Variants in KLHL3 observed in about 807,000 individuals in gnomAD.
The protein encoded by KLHL3 is kelch like family member 3, also known as kelch-like protein 3.
A neutral mutation model predicts 70.5 loss-of-function variants in KLHL3; 19 were observed. That is an observed-to-expected ratio of 0.27 (90% CI 0.19 to 0.40). KLHL3 has a LOEUF of 0.40. Among genes scored for constraint, KLHL3 ranks in the 10% least tolerant of loss-of-function variants. The pLI is 1.00. For synonymous variants in KLHL3, 258 were observed against 290.3 expected, an observed-to-expected ratio of 0.89 and a Z score of 1.13; for missense variants, 512 against 771.1, an observed-to-expected ratio of 0.66 and a Z score of 3.98.
In KLHL3 at chr5:137,735,771, T is replaced by G. The variant is rs558628055; in HGVS notation, c.-125A>C. 3 of 1,328,112 alleles carry G rather than the reference T, an allele frequency of 2.3e-6. No homozygotes were observed. The highest frequency in any genetic ancestry group is 1.7e-5 in the Admixed American group (1 of 59,518). 82.3% of individuals were successfully genotyped at this position (1,328,112 alleles called of 1,614,324 possible). On this transcript the variant is annotated 5_prime_UTR_variant, in exon 1 of 15. Coordinates refer to ENST00000309755, the MANE Select transcript of KLHL3 (RefSeq NM_017415.3). Reference sequence around the variant, plus strand: ...ATCAGCAACAGTGATTCAGCATGGCTGCAAGTGAAGCCTCCTCCCTTCTCA... The same window carrying G: ...ATCAGCAACAGTGATTCAGCATGGCGGCAAGTGAAGCCTCCTCCCTTCTCA...
At chr5:137,727,117 C>T (rs1753096643) in intron 1 of KLHL3, among the ~76,000 whole-genome samples, 1 of 152,018 alleles carries the variant, frequency 6.6e-6, no homozygotes. Context: ...GTTCCCCACC[C>T]TCCCTTAAGC....
At chr5:137,724,008 G>C (rs1202172071) in intron 1 of KLHL3, among the ~76,000 whole-genome samples, 3 of 152,186 alleles carry the variant, frequency 2.0e-5, no homozygotes, top group African/African-American at 7.2e-5. Context: ...TGTGCATCAA[G>C]GGTGGAAAGG....
At chr5:137,651,824 C>T (rs1397194479) in intron 8 of KLHL3, among the ~76,000 whole-genome samples, 2 of 152,032 alleles carry the variant, frequency 1.3e-5, no homozygotes, top group African/African-American at 2.4e-5. Context: ...AGCTAGTAAT[C>T]GAGGCAACAT....
intron 6 of KLHL3, among the ~76,000 whole-genome samples, chr5:137,674,541 T>G (rs1751840027): frequency 6.6e-6 from 1 of 152,240 alleles, no homozygotes; most frequent in African/African-American, 2.4e-5. Context: ...TACATGTTAA[T>G]GTCTGAAATC....
At chr5:137,676,920 T>C (rs1256972188) in intron 6 of KLHL3, among the ~76,000 whole-genome samples, 2 of 152,180 alleles carry the variant, frequency 1.3e-5, no homozygotes, top group Non-Finnish European at 2.9e-5. Flanking sequence ...TAGTAATGTC[T>C]GCTTCACAGG....
chr5:137,671,923 T>A (rs1751769666), intron 6 of KLHL3: 1 of 152,122 alleles, frequency 6.6e-6, no homozygotes, highest in Non-Finnish European at 1.5e-5. Flanking sequence ...TTTGTTTACT[T>A]CTCCATGAAC....
intron 12 of KLHL3, among the ~76,000 whole-genome samples, chr5:137,631,679 T>C (rs1187644789): frequency 6.6e-6 from 1 of 152,232 alleles, no homozygotes; most frequent in Non-Finnish European, 1.5e-5. Context: ...GTGCAATTCA[T>C]ATTGTATCCA....
In KLHL3 at chr5:137,637,414, A is replaced by C; in HGVS notation, c.1220-19T>G. On this transcript the variant is annotated intron_variant, in intron 10 of 14. Transcript: ENST00000309755. ...GCTAGGCCTGGGAGACAAGAGACTCATGAGACTTCCGTGGCACCAGGCCTC... is the reference window on the plus strand; with the variant it reads ...GCTAGGCCTGGGAGACAAGAGACTCCTGAGACTTCCGTGGCACCAGGCCTC... The C allele has an allele frequency of 1.4e-4, 228 of 1,607,888 alleles. No homozygotes were observed. Among genetic ancestry groups the C allele is most frequent in the Non-Finnish European group, 1.8e-4 (209 of 1,174,446 alleles).
intron 13 of KLHL3, among the ~76,000 whole-genome samples, chr5:137,627,885 G>C (rs1277688516): frequency 2.0e-5 from 3 of 152,208 alleles, no homozygotes; most frequent in African/African-American, 7.2e-5. Flanking sequence ...GAAGTGAGAA[G>C]TTCTCCTAGC....
intron 3 of KLHL3, among the ~76,000 whole-genome samples, chr5:137,699,580 G>A (rs956023799): frequency 6.6e-6 from 1 of 152,134 alleles, no homozygotes; most frequent in African/African-American, 2.4e-5. Flanking sequence ...TGTAAATAAC[G>A]GCAATAGCAG....
intron 14 of KLHL3, among the ~76,000 whole-genome samples, chr5:137,624,106 C>T (rs1750391544): frequency 6.6e-6 from 1 of 152,194 alleles, no homozygotes; most frequent in African/African-American, 2.4e-5. Flanking sequence ...TCCCTCATGT[C>T]AGACATTAAG....
At chr5:137,662,486 G>A (rs929060206) in intron 6 of KLHL3, among the ~76,000 whole-genome samples, 12 of 152,182 alleles carry the variant, frequency 7.9e-5, no homozygotes, top group Non-Finnish European at 1.6e-4. Flanking sequence ...CCCGTGTAAA[G>A]TTAATGTAGA....
At chr5:137,662,165 G>A (rs1429176470) in intron 6 of KLHL3, 134 bp from the exon 7 acceptor site, 2 of 606,770 alleles carry the variant, frequency 3.3e-6, no homozygotes, top group African/African-American at 3.8e-5. Flanking sequence ...TAATTAATCT[G>A]AGACTCATAT....
In KLHL3 at chr5:137,716,344, ATGTTTGTTTGTT is replaced by A. The variant is rs57002774; in HGVS notation, c.134+4109_134+4120del. The stretch of plus-strand genomic sequence containing the variant: ...AAACTCCAATGCCCAACTAAGGCAT[ATGTTTGTTTGTT>A]TGTTTGTTTGTTTGTTTGTTCATTT... On this transcript the variant is annotated intron_variant, in intron 2 of 14. Transcript: ENST00000309755. 2.5e-3 allele frequency among the ~76,000 whole-genome samples: 381 copies of A among 150,606 alleles called. 2 individuals carry two copies. The highest frequency in any genetic ancestry group is 8.6e-3 in the African/African-American group (353 of 40,970).
At chr5:137,713,385 T>A (rs757608346) in intron 2 of KLHL3, among the ~76,000 whole-genome samples, 1 of 152,156 alleles carries the variant, frequency 6.6e-6, no homozygotes. Context: ...AACCTTTGTA[T>A]GTTCAATTGA....
chr5:137,628,203 G>T, intron 13 of KLHL3, 94 bp downstream of exon 13: 1 of 1,478,452 alleles, frequency 6.8e-7, no homozygotes, highest in South Asian at 1.2e-5. Context: ...CTCAGCTCCA[G>T]ACCCTGGGAA....
At position 137,639,726 on chromosome 5, in the gene KLHL3, A is replaced by T; in HGVS notation, c.1021+134T>A. ...CGACAACAACCAAAAAAAAAAAAAAAGTGTGCAGGAGGGAAACGAATGGGA... is the reference window on the plus strand; with the variant it reads ...CGACAACAACCAAAAAAAAAAAAAATGTGTGCAGGAGGGAAACGAATGGGA... On this transcript the variant is annotated intron_variant, in intron 9 of 14. Coordinates refer to ENST00000309755, the MANE Select transcript of KLHL3 (RefSeq NM_017415.3). The surrounding 1 kb of genome is among the most constrained non-coding windows in gnomAD (Gnocchi z 5.0). The T allele has an allele frequency of 1.6e-6, 1 of 624,408 alleles. No individual in the cohort carries two copies. The highest frequency in any genetic ancestry group is 2.8e-6 in the Non-Finnish European group (1 of 360,330). 38.7% of individuals were successfully genotyped at this position (624,408 alleles called of 1,614,324 possible).
At chr5:137,697,321 G>A (rs768687145) in intron 4 of KLHL3, among the ~76,000 whole-genome samples, 9 of 152,114 alleles carry the variant, frequency 5.9e-5, no homozygotes, top group South Asian at 2.1e-4. Flanking sequence ...CTGCCACCAC[G>A]CCCAGCTAAT....
intron 6 of KLHL3, chr5:137,671,986 CT>C (rs1220266746): frequency 6.6e-6 from 1 of 152,104 alleles, no homozygotes; most frequent in Non-Finnish European, 1.5e-5. Context: ...TGAAACATAC[CT>C]GGAGAACACT....
Sources: allele counts gnomAD v4.1 joint callset (sites outside exome capture counted in the v4.1 genomes callset), GRCh38; gene constraint gnomAD v4.1.1; non-coding constraint Gnocchi (gnomAD v3.1); transcripts MANE v1.5; gene names NCBI Gene and HGNC (gene_info 2026-07-23, HGNC 2026-07-21).